ITGB1: variants seen among roughly 807,000 people sequenced by gnomAD.
The protein encoded by ITGB1 is integrin subunit beta 1, also known as integrin beta-1.
In ITGB1, 24 loss-of-function variants were observed where a neutral mutation model predicts 86.5. The observed-to-expected ratio is 0.28, with a 90% CI of 0.20 to 0.39. The LOEUF is 0.39. ITGB1 is among the 10% of genes least tolerant of loss of function. ITGB1 has a pLI of 1.00. For synonymous variants in ITGB1, 323 were observed against 316.8 expected (o/e 1.02, Z -0.21); for missense variants, 556 against 946.9 (o/e 0.59, Z 5.42).
At chr10:32,942,680 TCTC>T (rs1184781095) in intron 1 of ITGB1, among the ~76,000 whole-genome samples, 114 of 100,154 alleles carry the variant, frequency 1.1e-3, no homozygotes, top group African/African-American at 2.7e-3. Context: ...TCTCTCTCTC[TCTC>T]TTTTTTTTTT....
intron 11 of ITGB1, among the ~76,000 whole-genome samples, chr10:32,913,291 C>T (rs189550265): frequency 7.2e-5 from 11 of 152,266 alleles, no homozygotes; most frequent in East Asian, 1.9e-4. Context: ...TCACCAGCAA[C>T]GGAACAAAGC....
At chr10:32,926,130 C>T (rs79847908) in intron 5 of ITGB1, 21 bp from the exon 6 acceptor site, 3 of 1,515,748 alleles carry the variant, frequency 2.0e-6, no homozygotes, top group East Asian at 2.3e-5. Flanking sequence ...AAAAATGGTA[C>T]ATAAATGAAT....
At chr10:32,912,753 A>G (rs888754414) in intron 11 of ITGB1, among the ~76,000 whole-genome samples, 1 of 152,244 alleles carries the variant, frequency 6.6e-6, no homozygotes, top group African/African-American at 2.4e-5. Flanking sequence ...TAGCTGAACA[A>G]AATCCAGCAG....
chr10:32,919,453 C>A (rs543046437), intron 11 of ITGB1, among the ~76,000 whole-genome samples: 1 of 152,298 alleles, frequency 6.6e-6, no homozygotes, highest in East Asian at 1.9e-4. Context: ...TGCAGAAGTA[C>A]ATGTAGTACA....
At chr10:32,946,985 A>G (rs1160104912) in intron 1 of ITGB1, among the ~76,000 whole-genome samples, 1 of 151,964 alleles carries the variant, frequency 6.6e-6, no homozygotes, top group East Asian at 1.9e-4. Flanking sequence ...CTGGGATTAC[A>G]GGCATGTGCC....
At chr10:32,922,448 C>A in intron 8 of ITGB1, 102 bp from the exon 9 acceptor site, 1 of 856,726 alleles carries the variant, frequency 1.2e-6, no homozygotes, top group Non-Finnish European at 1.9e-6. Flanking sequence ...TCCCATGTTT[C>A]CTCCTAACTA....
intron 1 of ITGB1, among the ~76,000 whole-genome samples, chr10:32,942,647 G>GTTCAA (rs1434459030): frequency 6.6e-6 from 1 of 151,034 alleles, no homozygotes. Context: ...GAGGCAAAGA[G>GTTCAA]TTCAAGACTA....
At position 32,910,390 on chromosome 10, in the gene ITGB1, G is replaced by C; in HGVS notation, c.1997C>G (p.Ser666Cys). 1 of 1,600,064 alleles carries C rather than the reference G, an allele frequency of 6.2e-7. No individual in the cohort carries two copies. Among genetic ancestry groups the C allele is most frequent in the Non-Finnish European group, 8.6e-7 (1 of 1,167,624 alleles). The change falls in exon 14 of 16, where the codon TCC (serine) becomes TGC (cysteine). Residue 666 changes from serine to cysteine, a missense_variant. Physicochemically the swap from Ser to Cys is moderately radical, Grantham distance 112 (BLOSUM62 -1). Coordinates refer to ENST00000302278, the MANE Select transcript of ITGB1 (RefSeq NM_002211.4). ...TTCTACCTTGGTAATGTTAAAATAG[G>C]AACATTCCTGTGTGCATGTGTCTTT... ...EKKDTCTQEC[S>C]YFNITKVESR...
chr10:32,936,862 G>A (rs1025360432), intron 1 of ITGB1, among the ~76,000 whole-genome samples: 2 of 152,110 alleles, frequency 1.3e-5, no homozygotes, highest in African/African-American at 4.8e-5. Flanking sequence ...TACAAAAAAA[G>A]TTTAGGTTTA....
chr10:32,929,184 G>A (rs1456142178), intron 4 of ITGB1, among the ~76,000 whole-genome samples: 1 of 147,224 alleles, frequency 6.8e-6, no homozygotes, highest in Non-Finnish European at 1.5e-5. Context: ...AGTACAAAGT[G>A]TTACTTGGTA....
At chr10:32,942,202 C>T (rs1262613170) in intron 1 of ITGB1, among the ~76,000 whole-genome samples, 51 of 152,148 alleles carry the variant, frequency 3.4e-4, no homozygotes, top group Admixed American at 3.3e-3. Flanking sequence ...GGGTGGATCA[C>T]CCTAAACAGA....
At chr10:32,931,871 T>C (rs1282792187) in intron 3 of ITGB1, among the ~76,000 whole-genome samples, 2 of 152,148 alleles carry the variant, frequency 1.3e-5, no homozygotes, top group African/African-American at 4.8e-5. Flanking sequence ...ATTCATTCAT[T>C]CATTGACTCA....
chr10:32,952,104 T>C (rs925783426), intron 1 of ITGB1, among the ~76,000 whole-genome samples: 1 of 152,150 alleles, frequency 6.6e-6, no homozygotes, highest in South Asian at 2.1e-4. Context: ...ATGATAAACA[T>C]AGGAAAAAAA....
chr10:32,949,285 A>G (rs1287226943), intron 1 of ITGB1, among the ~76,000 whole-genome samples: 2 of 152,218 alleles, frequency 1.3e-5, no homozygotes, highest in Non-Finnish European at 2.9e-5. Flanking sequence ...AAAGTTGCAC[A>G]GGTGGAATTG....
At chr10:32,922,385 A>G (rs2094952965) in intron 8 of ITGB1, 39 bp from the exon 9 acceptor site, 1 of 1,360,906 alleles carries the variant, frequency 7.3e-7, no homozygotes, top group East Asian at 2.3e-5. Context: ...TACAACTGCT[A>G]TTCATTCAAC....
rs202236577 is a variant in ITGB1 at position 32,910,347 on chromosome 10, G to C, written c.2040C>G (p.Pro680=). 6.3e-7 allele frequency: 1 copy of C among 1,597,658 alleles called. No individual in the cohort carries two copies. The highest frequency in any genetic ancestry group is 8.6e-7 in the Non-Finnish European group (1 of 1,165,154). The change falls in exon 14 of 16, where the codon CCC becomes CCG. Residue 680 remains proline (P), a synonymous_variant. Transcript: ENST00000302278. ...ITKVESRDKL[P]QPVQPDPVSH... ...ACACAGGATCAGGTTGGACCGGCTG[G>C]GGTAATTTGTCCCGACTTTCTACCT... is the stretch of plus-strand genomic sequence containing the variant.
chr10:32,928,465 G>C (rs2137221545), intron 4 of ITGB1, among the ~76,000 whole-genome samples: 1 of 152,298 alleles, frequency 6.6e-6, no homozygotes, highest in Non-Finnish European at 1.5e-5. Flanking sequence ...TAAACACCAG[G>C]CCTTCAGGAT....
At chr10:32,941,073 G>A (rs112696758) in intron 1 of ITGB1, among the ~76,000 whole-genome samples, 33 of 152,320 alleles carry the variant, frequency 2.2e-4, no homozygotes, top group African/African-American at 7.7e-4. Context: ...CAAGTTCAGA[G>A]GCATCAGGCA....
intron 1 of ITGB1, among the ~76,000 whole-genome samples, chr10:32,953,008 T>C (rs1233355525): frequency 6.6e-6 from 1 of 152,156 alleles, no homozygotes; most frequent in Non-Finnish European, 1.5e-5. Context: ...CATATCCTTC[T>C]GATATATATG....
Sources: gnomAD v4.1 joint callset for allele counts (sites outside exome capture counted in the v4.1 genomes callset) on GRCh38, gnomAD v4.1.1 for gene constraint, MANE v1.5 for transcripts, NCBI Gene and HGNC (gene_info 2026-07-23, HGNC 2026-07-21) for gene names.